NTRK3: variants seen among roughly 807,000 people sequenced by gnomAD.
The protein encoded by NTRK3 is NT-3 growth factor receptor.
NTRK3 carries 24 observed loss-of-function variants against 91.7 expected under a neutral mutation model. The observed-to-expected ratio is 0.26, with a 90% CI of 0.19 to 0.37. The LOEUF (loss-of-function observed/expected upper bound fraction) is 0.37. NTRK3 is among the 10% of genes least tolerant of loss of function. The probability of loss-of-function intolerance (pLI) is 1.00; values close to 1 mark genes in which losing one functional copy is unlikely to be tolerated. For missense variants in NTRK3, 880 were observed against 1,068.9 expected, an observed-to-expected ratio of 0.82 and a Z score of 2.46; for synonymous variants, 483 against 404.0, an observed-to-expected ratio of 1.20 and a Z score of -2.34.
chr15:88,238,363 G>GA (rs774540532), intron 3 of NTRK3, among the ~76,000 whole-genome samples: 12 of 151,816 alleles, frequency 7.9e-5, no homozygotes, highest in Admixed American at 2.0e-4. Flanking sequence ...TTATAATAAA[G>GA]AAAAAACAAA....
At chr15:88,019,752 C>T (rs753613996) in intron 14 of NTRK3, among the ~76,000 whole-genome samples, 1 of 152,184 alleles carries the variant, frequency 6.6e-6, no homozygotes, top group Non-Finnish European at 1.5e-5. Flanking sequence ...AAGGCAGAGG[C>T]AGGAGAATCA....
intron 13 of NTRK3, among the ~76,000 whole-genome samples, chr15:88,042,328 AG>A (rs1204110954): frequency 1.3e-5 from 2 of 152,222 alleles, no homozygotes; most frequent in East Asian, 3.9e-4. Flanking sequence ...TGTGGGACAG[AG>A]GCCAAGTGAA....
In NTRK3 at chr15:87,929,554, A is replaced by G. The variant is rs2068614709; in HGVS notation, c.1890-120T>C. 4 of 1,287,204 alleles carry G rather than the reference A, an allele frequency of 3.1e-6. No homozygotes were observed. The East Asian group carries it at 1.0e-4, about 32-fold the overall frequency. The allele number at this position is 1,287,204 out of a possible 1,614,324, so 79.7% of individuals were successfully genotyped here. A position where few individuals can be genotyped will look rare whatever the true frequency, so the allele number is the denominator to read the frequency against. On this transcript the variant is annotated intron_variant, in intron 16 of 18. Transcript: ENST00000394480. ...AGAAATAAATAAAATTTCCCTTTCC[A>G]TCCTGCCTATGGCTTATTTTTATCT...
At chr15:87,932,271 C>G (rs1279870799) in intron 16 of NTRK3, among the ~76,000 whole-genome samples, 1 of 152,216 alleles carries the variant, frequency 6.6e-6, no homozygotes, top group African/African-American at 2.4e-5. Context: ...TAGAATAGTA[C>G]TATCCAATAG....
At chr15:88,057,629 T>C (rs2045840394) in intron 13 of NTRK3, among the ~76,000 whole-genome samples, 1 of 152,184 alleles carries the variant, frequency 6.6e-6, no homozygotes, top group Non-Finnish European at 1.5e-5. Context: ...CCTTCTACAT[T>C]GCTATTGACT....
chr15:88,077,112 C>G (rs1460533966), intron 13 of NTRK3, among the ~76,000 whole-genome samples: 1 of 151,970 alleles, frequency 6.6e-6, no homozygotes, highest in East Asian at 1.9e-4. Context: ...ATAAATAAAA[C>G]ATTTTTGAGG....
At chr15:88,121,413 G>C (rs999158069) in intron 13 of NTRK3, among the ~76,000 whole-genome samples, 6 of 152,146 alleles carry the variant, frequency 3.9e-5, no homozygotes, top group African/African-American at 1.2e-4. Context: ...TCCTTGTCTG[G>C]GCCTCGGTTT....
chr15:87,900,936 A>G (rs997712825), intron 17 of NTRK3, among the ~76,000 whole-genome samples: 1 of 152,106 alleles, frequency 6.6e-6, no homozygotes, highest in African/African-American at 2.4e-5. Context: ...AGACTGGATA[A>G]TCTTTGGATG....
chr15:87,893,525 T>C (rs1596121999), intron 17 of NTRK3, among the ~76,000 whole-genome samples: 1 of 152,342 alleles, frequency 6.6e-6, no homozygotes. Context: ...AAGCCAGCCT[T>C]TCCTGAAAAG....
chr15:87,976,141 A>C (rs538254695), intron 14 of NTRK3, among the ~76,000 whole-genome samples: 44 of 152,298 alleles, frequency 2.9e-4, no homozygotes, highest in Admixed American at 6.5e-4. Flanking sequence ...CCCTCGAACC[A>C]GTGCATGTCC....
chr15:88,116,927 G>A lies in NTRK3; in HGVS notation c.1396+9344C>T, dbSNP rs572359303. Among the ~76,000 whole-genome samples the A allele has an allele frequency of 3.3e-5, 5 of 152,276 alleles. No homozygotes were observed. The East Asian group carries it at 5.8e-4, about 18-fold the overall frequency. On this transcript the variant is annotated intron_variant, in intron 13 of 18. Coordinates refer to ENST00000394480, the Ensembl canonical transcript of NTRK3. ...GGTAAACCCTAGGCAACTGCACATC[G>A]AACAAGCTCCCAGCATTATCAGATG...
chr15:87,918,035 A>G (rs766014884), intron 17 of NTRK3, among the ~76,000 whole-genome samples: 4 of 151,524 alleles, frequency 2.6e-5, no homozygotes, highest in Non-Finnish European at 4.4e-5. Flanking sequence ...TTGTTTTCAT[A>G]GTTGCCCCTT....
chr15:88,072,714 GC>G (rs1209468225), intron 13 of NTRK3: 1 of 232,740 alleles, frequency 4.3e-6, no homozygotes, highest in African/African-American at 2.2e-5. Flanking sequence ...GGTATGATGG[GC>G]ACTTGAAGGC....
At chr15:88,164,240 G>A (rs374218510) in intron 5 of NTRK3, among the ~76,000 whole-genome samples, 2 of 152,190 alleles carry the variant, frequency 1.3e-5, no homozygotes, top group Non-Finnish European at 2.9e-5. Flanking sequence ...GGCTGCAGCC[G>A]GGCTGGCCAC....
rs2051416636 is a variant in NTRK3, at chr15:88,233,731, C to T, written c.248+22175G>A. Reference sequence around the variant, plus strand: ...CTCTCCTCCTGGTCCTCCTTACTCTCCCTTCCTTCCCTGCCCCCTTCCTCC... The same window carrying T: ...CTCTCCTCCTGGTCCTCCTTACTCTTCCTTCCTTCCCTGCCCCCTTCCTCC... On this transcript the variant is annotated intron_variant, in intron 3 of 18. Coordinates refer to ENST00000394480, the Ensembl canonical transcript of NTRK3. The surrounding 1 kb of genome is among the most constrained non-coding windows in gnomAD (Gnocchi z 4.2). Among the ~76,000 whole-genome samples, 1 of 151,924 alleles carries T rather than the reference C, an allele frequency of 6.6e-6. No homozygotes were observed. Among genetic ancestry groups the T allele is most frequent in the Non-Finnish European group, 1.5e-5 (1 of 67,974 alleles).
intron 5 of NTRK3, among the ~76,000 whole-genome samples, chr15:88,170,449 G>A (rs2045399986): frequency 6.6e-6 from 1 of 152,154 alleles, no homozygotes; most frequent in Non-Finnish European, 1.5e-5. Flanking sequence ...ACATCCCACA[G>A]CACCCTGTTG....
intron 13 of NTRK3, among the ~76,000 whole-genome samples, chr15:88,048,114 G>C (rs2142241875): frequency 6.6e-6 from 1 of 152,286 alleles, no homozygotes; most frequent in African/African-American, 2.4e-5. Context: ...CGCAGCCATT[G>C]ATTTTCCACT....
chr15:88,225,034 G>A (rs2050555180), intron 3 of NTRK3, among the ~76,000 whole-genome samples: 2 of 152,186 alleles, frequency 1.3e-5, no homozygotes, highest in African/African-American at 2.4e-5. Context: ...AGTAGTTAGT[G>A]AAGTTCTCTT....
rs534438524 is a variant in NTRK3 at position 88,144,593 on chromosome 15, G to T, written c.464+2742C>A. On this transcript the variant is annotated intron_variant, in intron 6 of 18. Transcript: ENST00000394480. Reference sequence around the variant, plus strand: ...TCTTTGGAAACAGCAGATCGGGGTAGTGATAATATTAAACATCATAACACT... The same window carrying T: ...TCTTTGGAAACAGCAGATCGGGGTATTGATAATATTAAACATCATAACACT... Among the ~76,000 whole-genome samples the T allele has an allele frequency of 1.5e-3, 223 of 152,230 alleles. 1 individual carries two copies. Among genetic ancestry groups the T allele is most frequent in the Middle Eastern group, 3.4e-3 (1 of 294 alleles).
Sources: allele counts gnomAD v4.1 joint callset (sites outside exome capture counted in the v4.1 genomes callset), GRCh38; gene constraint gnomAD v4.1.1; non-coding constraint Gnocchi (gnomAD v3.1); transcripts MANE v1.5; gene names NCBI Gene and HGNC (gene_info 2026-07-23, HGNC 2026-07-21).